IGSF9B: variants seen among roughly 807,000 people sequenced by gnomAD.
The protein encoded by IGSF9B is immunoglobulin superfamily member 9B, also known as protein turtle homolog B.
Under a neutral mutation model 143.7 loss-of-function variants are expected in IGSF9B, and 48 were observed. The ratio of observed to expected loss-of-function variants is 0.33; its 90% CI spans 0.26 to 0.42. The LOEUF is 0.42. IGSF9B is among the 20% of genes least tolerant of loss of function. The pLI is 1.00. For missense variants in IGSF9B, 1,706 were observed against 1,980.0 expected, an observed-to-expected ratio of 0.86 and a Z score of 2.63; for synonymous variants, 903 against 833.1, an observed-to-expected ratio of 1.08 and a Z score of -1.44.
chr11:133,918,634 T>C (rs1473522202), intron 18 of IGSF9B, among the ~76,000 whole-genome samples: 2 of 151,988 alleles, frequency 1.3e-5, no homozygotes, highest in East Asian at 1.9e-4. Flanking sequence ...GGAGGTGACC[T>C]TGGACTTCCA....
intron 16 of IGSF9B, 112 bp downstream of exon 16, chr11:133,922,457 A>T: frequency 1.8e-6 from 2 of 1,132,386 alleles, no homozygotes; most frequent in East Asian, 5.1e-5. Context: ...TACCCACAAG[A>T]TCTCAATGTC....
Position 133,925,934 on chromosome 11 carries a change from C to T in IGSF9B, c.1839G>A (p.Val613=), listed in dbSNP as rs775115427. The T allele has an allele frequency of 4.6e-5, 74 of 1,607,084 alleles. No homozygotes were observed. The highest frequency in any genetic ancestry group is 8.5e-6 in the Non-Finnish European group (10 of 1,176,742). ...AFPITTPEPL[V]LVTPPRCLIA... ...TGAGGCACCTCGGTGGGGTGACCAG[C>T]ACCAGGGGTTCTGGAGTTGTAATAG... Residue 613 remains valine (V), a synonymous_variant, in exon 14 of 20, where the codon GTG becomes GTA. Transcript: ENST00000533871.
At position 133,920,634 on chromosome 11, in the gene IGSF9B, G is replaced by A. The variant is rs1439075485; in HGVS notation, c.3091C>T (p.Pro1031Ser). 3.7e-6 allele frequency: 6 copies of A among 1,613,408 alleles called. No individual in the cohort carries two copies. The highest frequency in any genetic ancestry group is 1.3e-5 in the African/African-American group (1 of 74,940). ...SNSTLPLTQT[P>S]TGGRSPEPWG... Reference sequence around the variant, plus strand: ...GGCTCAGGGGAGCGCCCTCCTGTAGGTGTCTGAGTCAAGGGCAGCGTGCTG... The same window carrying A: ...GGCTCAGGGGAGCGCCCTCCTGTAGATGTCTGAGTCAAGGGCAGCGTGCTG... Residue 1031 changes from proline (P) to serine (S), a missense_variant, in exon 18 of 20, where the codon CCT (proline) becomes TCT (serine). Pro to Ser is a moderately conservative substitution (Grantham distance 74). This residue lies in a region of IGSF9B where 880 missense variants were observed against 762.9 expected (regional missense o/e 1.15). Coordinates refer to ENST00000533871, the MANE Select transcript of IGSF9B (RefSeq NM_001277285.4).
In IGSF9B at chr11:133,920,933, C is replaced by A. The variant is rs763829457; in HGVS notation, c.2792G>T (p.Arg931Leu). ...GCCCTCCAGCCCGCGGGGCTGGAAC[C>A]GAGGGCTGTATGCTGGTGGTGGCAG... The part of the protein sequence containing the change: ...SYLPPPAYSP[R>L]FQPRGLEGPG... Residue 931 changes from arginine (R) to leucine (L), a missense_variant, in exon 18 of 20, where the codon CGG becomes CTG. Arg to Leu is a moderately radical substitution (Grantham distance 102). Around this residue, in one of 7 missense-constraint regions of IGSF9B, gnomAD observed 880 missense variants for 762.9 expected, o/e 1.15. Coordinates refer to ENST00000533871, the MANE Select transcript of IGSF9B (RefSeq NM_001277285.4). 1 of 1,610,296 alleles carries A rather than the reference C, an allele frequency of 6.2e-7. No individual in the cohort carries two copies. The highest frequency in any genetic ancestry group is 2.2e-5 in the East Asian group (1 of 44,788).
chr11:133,935,591 C>G (rs764849925), intron 7 of IGSF9B, 26 bp downstream of exon 7: 1 of 1,597,386 alleles, frequency 6.3e-7, no homozygotes, highest in Non-Finnish European at 8.5e-7. Flanking sequence ...GCCCCACCAC[C>G]CAGGCTCCCC....
intron 1 of IGSF9B, 99 bp from the exon 2 acceptor site, chr11:133,946,357 C>A: frequency 9.7e-7 from 1 of 1,030,424 alleles, no homozygotes. Flanking sequence ...CGCCCCCCAC[C>A]AGCTGCCCTC....
At chr11:133,930,464 A>T (rs1233646274) in intron 11 of IGSF9B, among the ~76,000 whole-genome samples, 1 of 152,160 alleles carries the variant, frequency 6.6e-6, no homozygotes, top group Non-Finnish European at 1.5e-5. Flanking sequence ...CAGGACCCAG[A>T]AGGACAGGCT....
Position 133,936,041 on chromosome 11 carries a change from C to T in IGSF9B, c.821+12G>A, listed in dbSNP as rs1477751957. On this transcript the variant is annotated intron_variant, in intron 6 of 19. Coordinates refer to ENST00000533871, the MANE Select transcript of IGSF9B (RefSeq NM_001277285.4). ...TGGCAACCTCATTGAAAAGTCAGAG[C>T]AGGGTGCTCACTTCTGAAAGTAGAC... 8.7e-6 allele frequency: 14 copies of T among 1,612,714 alleles called. No homozygotes were observed. The highest frequency in any genetic ancestry group is 1.2e-5 in the Non-Finnish European group (14 of 1,179,440).
chr11:133,929,896 A>G (rs1397431660), intron 11 of IGSF9B, 114 bp from the exon 12 acceptor site: 3 of 674,484 alleles, frequency 4.4e-6, no homozygotes, highest in South Asian at 3.5e-5. Flanking sequence ...GCGGAGCACA[A>G]TACTGCAAGT....
chr11:133,921,634 C>A (rs1198400358), intron 17 of IGSF9B, among the ~76,000 whole-genome samples: 1 of 151,954 alleles, frequency 6.6e-6, no homozygotes, highest in Non-Finnish European at 1.5e-5. Flanking sequence ...AACTCCTGGC[C>A]TCAAGCAATC....
In IGSF9B at chr11:133,908,803, AGGGGGCGGAGGG is replaced by A; in HGVS notation, c.*254_*265del. On this transcript the variant is annotated 3_prime_UTR_variant, in exon 20 of 20. Coordinates refer to ENST00000533871, the MANE Select transcript of IGSF9B (RefSeq NM_001277285.4). ...ATGAGAAAAATCAACCTAGTGAAGC[AGGGGGCGGAGGG>A]GAGGAGACAGGTGTTGCCCAGTCTC... 2.9e-5 allele frequency: 12 copies of A among 408,982 alleles called. No homozygotes were observed. The highest frequency in any genetic ancestry group is 1.6e-4 in the South Asian group (3 of 18,912). 25.3% of individuals were successfully genotyped at this position (408,982 alleles called of 1,614,324 possible).
intron 6 of IGSF9B, 109 bp downstream of exon 6, chr11:133,935,944 C>T (rs1432146622): frequency 2.1e-6 from 3 of 1,441,696 alleles, no homozygotes; most frequent in South Asian, 2.7e-5. Context: ...GCCCACCTCC[C>T]CCAGCTCCAA....
Position 133,920,621 on chromosome 11 carries a change from C to T in IGSF9B, c.3104G>A (p.Arg1035His), listed in dbSNP as rs372950944. 25 of 1,613,446 alleles carry T rather than the reference C, an allele frequency of 1.5e-5. No individual in the cohort carries two copies. The highest frequency in any genetic ancestry group is 2.0e-5 in the Non-Finnish European group (24 of 1,179,808). The change falls in exon 18 of 20, where the codon CGC becomes CAC. Residue 1035 changes from arginine to histidine, a missense_variant. Physicochemically the swap from Arg to His is conservative, Grantham distance 29 (BLOSUM62 0). Transcript: ENST00000533871. The part of the protein sequence containing the change: ...LPLTQTPTGG[R>H]SPEPWGRPEF... ...TGGCCGGCCCCAGGGCTCAGGGGAGCGCCCTCCTGTAGGTGTCTGAGTCAA... is the reference window on the plus strand; with the variant it reads ...TGGCCGGCCCCAGGGCTCAGGGGAGTGCCCTCCTGTAGGTGTCTGAGTCAA...
Position 133,926,940 on chromosome 11 carries a change from C to T in IGSF9B, c.1783G>A (p.Glu595Lys). Residue 595 changes from glutamate to lysine, a missense_variant, in exon 13 of 20, where the codon GAG becomes AAG. Physicochemically the swap from Glu to Lys is moderately conservative, Grantham distance 56. Coordinates refer to ENST00000533871, the MANE Select transcript of IGSF9B (RefSeq NM_001277285.4). ...QNKLGTSAFS[E>K]VVTVNTLAFP... ...CCTAAAGTGTTCACAGTGACCACCT[C>T]ACTGAAGGCGCTGGTTCCCAGCTTG... The T allele has an allele frequency of 6.3e-7, 1 of 1,598,580 alleles. No homozygotes were observed. The highest frequency in any genetic ancestry group is 2.3e-5 in the East Asian group (1 of 44,080).
intron 3 of IGSF9B, 46 bp downstream of exon 3, chr11:133,944,174 G>A: frequency 6.4e-7 from 1 of 1,550,530 alleles, no homozygotes; most frequent in Non-Finnish European, 8.7e-7. Context: ...CAGCCCTCAG[G>A]CACCGTTGAT....
At chr11:133,955,479 TGA>T (rs1377227607) in intron 1 of IGSF9B, among the ~76,000 whole-genome samples, 1 of 152,166 alleles carries the variant, frequency 6.6e-6, no homozygotes, top group Non-Finnish European at 1.5e-5. Context: ...GGGGACCCCG[TGA>T]GAGGCGCCTC....
rs1347790500 is a variant in IGSF9B at position 133,907,487 on chromosome 11, C to A, written c.*1582G>T. ...ACCAAGAAGGAAATACTTCAAGGAACCTTCATTCTAAGCCAAGCCAGAAGG... is the reference window on the plus strand; with the variant it reads ...ACCAAGAAGGAAATACTTCAAGGAAACTTCATTCTAAGCCAAGCCAGAAGG... On this transcript the variant is annotated 3_prime_UTR_variant, in exon 20 of 20. Coordinates refer to ENST00000533871, the MANE Select transcript of IGSF9B (RefSeq NM_001277285.4). Among the ~76,000 whole-genome samples, 2 of 152,174 alleles carry A rather than the reference C, an allele frequency of 1.3e-5. No individual in the cohort carries two copies.
In IGSF9B at chr11:133,922,596, G is replaced by T. The variant is rs1480497743; in HGVS notation, c.2254C>A (p.Arg752Ser). ...TLAACFVNKQ[R>S]KRKLKRKKDP... ...TTTTTGCGCTTGAGCTTACGCTTGCGCTGCTTGTTGACAAAGCAGGCAGCC... is the reference window on the plus strand; with the variant it reads ...TTTTTGCGCTTGAGCTTACGCTTGCTCTGCTTGTTGACAAAGCAGGCAGCC... The change falls in exon 16 of 20, where the codon CGC becomes AGC. Residue 752 changes from arginine (R) to serine (S), a missense_variant. Coordinates refer to ENST00000533871, the MANE Select transcript of IGSF9B (RefSeq NM_001277285.4). The T allele has an allele frequency of 4.3e-6, 7 of 1,611,408 alleles. No individual in the cohort carries two copies. Among genetic ancestry groups the T allele is most frequent in the Non-Finnish European group, 5.9e-6 (7 of 1,178,924 alleles).
At position 133,921,108 on chromosome 11, in the gene IGSF9B, G is replaced by T. The variant is rs370337864; in HGVS notation, c.2617C>A (p.Arg873Ser). The T allele has an allele frequency of 2.5e-6, 4 of 1,613,796 alleles. No homozygotes were observed. The East Asian group carries it at 6.7e-5, about 27-fold the overall frequency. ...TCGGCGAAGGGGAAGCCCTCGATGC[G>T]CCTGCTCTTCAGCGAGGGCTCCATC... ...AEMEPSLKSR[R>S]IEGFPFAEET... Residue 873 changes from arginine (R) to serine (S), a missense_variant, in exon 18 of 20, where the codon CGC becomes AGC. By Grantham distance (110) the Arg-to-Ser change is moderately radical (BLOSUM62 -1). This residue lies in a region of IGSF9B where 880 missense variants were observed against 762.9 expected (regional missense o/e 1.15). Coordinates refer to ENST00000533871, the MANE Select transcript of IGSF9B (RefSeq NM_001277285.4).
Sources: gnomAD v4.1 joint callset for allele counts (sites outside exome capture counted in the v4.1 genomes callset) on GRCh38, gnomAD v4.1.1 for gene constraint, gnomAD v4.1.1 regional missense constraint, MANE v1.5 for transcripts, NCBI Gene and HGNC (gene_info 2026-07-23, HGNC 2026-07-21) for gene names.